The following ACACA variants were observed in gnomAD, a reference collection of about 807,000 sequenced individuals.
ACACA encodes the protein acetyl-CoA carboxylase 1.
In ACACA, 103 loss-of-function variants were observed where a neutral mutation model predicts 296.1. That is an observed-to-expected ratio of 0.35 (90% CI 0.30 to 0.41). The LOEUF (loss-of-function observed/expected upper bound fraction) is 0.41, where lower values mean the gene tolerates loss of function less well. Ranked by LOEUF, ACACA falls within the 10% of genes least tolerant of loss-of-function variation. The pLI, the probability that ACACA is intolerant of heterozygous loss-of-function variation, is 1.00. For synonymous variants in ACACA, 953 were observed against 1,038.6 expected, an observed-to-expected ratio of 0.92 and a Z score of 1.58; for missense variants, 1,554 against 2,989.7, an observed-to-expected ratio of 0.52 and a Z score of 11.20.
At chr17:37,307,225 C>T (rs753699790) in intron 3 of ACACA, among the ~76,000 whole-genome samples, 2 of 152,018 alleles carry the variant, frequency 1.3e-5, no homozygotes, top group African/African-American at 2.4e-5. Flanking sequence ...AACTAATTTC[C>T]TCTGGGAATA....
At chr17:37,239,837 G>A (rs1423406285) in intron 24 of ACACA, among the ~76,000 whole-genome samples, 4 of 152,180 alleles carry the variant, frequency 2.6e-5, no homozygotes, top group Non-Finnish European at 5.9e-5. Context: ...GAAGTGAAAA[G>A]GAGCAGATAA....
intron 41 of ACACA, among the ~76,000 whole-genome samples, chr17:37,173,994 A>T (rs1170729334): frequency 1.2e-4 from 1 of 8,370 alleles, no homozygotes; most frequent in African/African-American, 9.6e-4. Flanking sequence ...ATATATATAT[A>T]TATATATATA....
chr17:37,236,679 G>T, intron 24 of ACACA, among the ~76,000 whole-genome samples: 1 of 152,016 alleles, frequency 6.6e-6, no homozygotes, highest in Non-Finnish European at 1.5e-5. Context: ...ACAAAAATTA[G>T]CCAGGCATGG....
At position 37,349,849 on chromosome 17, in the gene ACACA, G is replaced by T. The variant is rs192893718; in HGVS notation, c.39-9999C>A. Among the ~76,000 whole-genome samples, 5 of 152,176 alleles carry T rather than the reference G, an allele frequency of 3.3e-5. No individual in the cohort carries two copies. In the East Asian group the frequency reaches 7.7e-4, roughly 23 times the overall value. On this transcript the variant is annotated intron_variant, in intron 1 of 55. Transcript: ENST00000616317. Reference sequence around the variant, plus strand: ...GCTGGGATTACAGGCATGAGCCACTGCACCTGGCCATATTCTTACATATTA... The same window carrying T: ...GCTGGGATTACAGGCATGAGCCACTTCACCTGGCCATATTCTTACATATTA...
intron 1 of ACACA, among the ~76,000 whole-genome samples, chr17:37,352,245 C>T (rs950603551): frequency 2.0e-5 from 3 of 151,978 alleles, no homozygotes; most frequent in Non-Finnish European, 4.4e-5. Flanking sequence ...AGAATTGCAA[C>T]GAATATTTGA....
At chr17:37,090,854 C>G (rs1013010018) in intron 54 of ACACA, among the ~76,000 whole-genome samples, 1 of 151,930 alleles carries the variant, frequency 6.6e-6, no homozygotes, top group African/African-American at 2.4e-5. Context: ...TACACATACC[C>G]CTACTTATGA....
rs1030585905 is a variant in ACACA at position 37,151,986 on chromosome 17, G to A, written c.5448-565C>T. Among the ~76,000 whole-genome samples, 9 of 146,878 alleles carry A rather than the reference G, an allele frequency of 6.1e-5. 1 individual carries two copies. The highest frequency in any genetic ancestry group is 7.3e-3 in the Middle Eastern group (2 of 274). On this transcript the variant is annotated intron_variant, in intron 43 of 55. Transcript: ENST00000616317. ...AATTTTTGTTTTTTTTAGTAGAGAC[G>A]GGGTTTCACCATGTTGGCCAGGATG...
chr17:37,179,162 G>T, intron 41 of ACACA, 98 bp downstream of exon 41: 4 of 1,469,198 alleles, frequency 2.7e-6, no homozygotes, highest in South Asian at 1.2e-5. Flanking sequence ...CTCCCAACAA[G>T]ACTACCATGC....
At chr17:37,335,682 C>A (rs544577209) in intron 2 of ACACA, among the ~76,000 whole-genome samples, 5 of 152,212 alleles carry the variant, frequency 3.3e-5, no homozygotes, top group African/African-American at 1.2e-4. Context: ...CTGGCATTGG[C>A]GGTATCACAA....
intron 3 of ACACA, among the ~76,000 whole-genome samples, chr17:37,286,270 A>G (rs2082767340): frequency 6.6e-6 from 1 of 152,236 alleles, no homozygotes; most frequent in Non-Finnish European, 1.5e-5. Context: ...TAGACAAAAT[A>G]TGATAGTGGA....
chr17:37,153,272 T>C (rs2076113103), intron 43 of ACACA, among the ~76,000 whole-genome samples: 2 of 152,184 alleles, frequency 1.3e-5, no homozygotes, highest in South Asian at 4.2e-4. Context: ...TATTTAGAAA[T>C]AAGCATGAAG....
intron 43 of ACACA, 55 bp from the exon 44 acceptor site, chr17:37,151,476 A>G: frequency 2.5e-6 from 4 of 1,605,264 alleles, no homozygotes; most frequent in Non-Finnish European, 3.4e-6. Flanking sequence ...ACAACAAGCC[A>G]TTAAAAGAAT....
At chr17:37,350,254 C>T (rs1325018643) in intron 1 of ACACA, among the ~76,000 whole-genome samples, 3 of 151,882 alleles carry the variant, frequency 2.0e-5, no homozygotes, top group African/African-American at 4.8e-5. Context: ...CTGCTTGATT[C>T]CAGGAGGTCG....
chr17:37,108,216 A>G (rs1226671051), intron 52 of ACACA, among the ~76,000 whole-genome samples: 1 of 152,062 alleles, frequency 6.6e-6, no homozygotes, highest in African/African-American at 2.4e-5. Context: ...CACTATTTAC[A>G]TATTTTCTGT....
Position 37,106,001 on chromosome 17 carries a change from T to A in ACACA, c.6565+5530A>T, listed in dbSNP as rs148093668. Among the ~76,000 whole-genome samples, 7 of 152,078 alleles carry A rather than the reference T, an allele frequency of 4.6e-5. No individual in the cohort carries two copies. The East Asian group carries it at 1.2e-3, about 25-fold the overall frequency. ...TCTCAGATGTTAAAACATACTCCCA[T>A]CCCTCAACCTTGAGACTGAAAAATC... On this transcript the variant is annotated intron_variant, in intron 52 of 55. Transcript: ENST00000616317.
intron 1 of ACACA, among the ~76,000 whole-genome samples, chr17:37,378,560 A>C (rs1255453163): frequency 6.6e-6 from 1 of 152,144 alleles, no homozygotes; most frequent in African/African-American, 2.4e-5. Flanking sequence ...TAAAGATACA[A>C]AAATCAGCTG....
intron 14 of ACACA, among the ~76,000 whole-genome samples, chr17:37,255,139 T>A (rs1235677985): frequency 6.6e-6 from 1 of 150,840 alleles, no homozygotes; most frequent in African/African-American, 2.4e-5. Context: ...GTTCAGGGAA[T>A]GGTATGATTG....
intron 26 of ACACA, chr17:37,225,482 G>A (rs1437560184): frequency 4.2e-6 from 1 of 240,020 alleles, no homozygotes; most frequent in Non-Finnish European, 8.2e-6. Context: ...CTGTGGGAAA[G>A]GTAGATGCAG....
At chr17:37,096,804 C>T (rs1156515873) in intron 54 of ACACA, among the ~76,000 whole-genome samples, 192 bp downstream of exon 54, 1 of 152,120 alleles carries the variant, frequency 6.6e-6, no homozygotes, top group African/African-American at 2.4e-5. Context: ...TATGCCCTAC[C>T]ACCTCTTCTA....
Sources: gnomAD v4.1 joint callset for allele counts (sites outside exome capture counted in the v4.1 genomes callset) on GRCh38, gnomAD v4.1.1 for gene constraint, MANE v1.5 for transcripts, NCBI Gene and HGNC (gene_info 2026-07-23, HGNC 2026-07-21) for gene names.